Variants in GRID2 observed in about 807,000 individuals in gnomAD.
GRID2 encodes the protein glutamate ionotropic receptor delta type subunit 2.
Under a neutral mutation model 114.8 loss-of-function variants are expected in GRID2, and 33 were observed. The ratio of observed to expected loss-of-function variants is 0.29; its 90% CI spans 0.22 to 0.38. The LOEUF is 0.38. GRID2 is among the 10% of genes least tolerant of loss of function. The probability of loss-of-function intolerance (pLI) is 1.00; values close to 1 mark genes in which losing one functional copy is unlikely to be tolerated. For missense variants in GRID2, 1,184 were observed against 1,257.7 expected (o/e 0.94, Z 0.89); for synonymous variants, 505 against 449.9 (o/e 1.12, Z -1.55).
At chr4:92,947,480 A>G (rs1226928945) in intron 2 of GRID2, among the ~76,000 whole-genome samples, 2 of 151,990 alleles carry the variant, frequency 1.3e-5, no homozygotes, top group Non-Finnish European at 2.9e-5. Context: ...TTATGGAAGA[A>G]TAAAGATAAA....
intron 2 of GRID2, among the ~76,000 whole-genome samples, chr4:92,924,909 A>G (rs1749685835): frequency 6.6e-6 from 1 of 152,140 alleles, no homozygotes; most frequent in Non-Finnish European, 1.5e-5. Flanking sequence ...AGATAATATT[A>G]CAAACTCTTC....
chr4:92,792,179 C>CTGAACACAT (rs1739621315), intron 2 of GRID2, among the ~76,000 whole-genome samples: 1 of 151,672 alleles, frequency 6.6e-6, no homozygotes, highest in Admixed American at 6.6e-5. Context: ...AAGCTCTTCC[C>CTGAACACAT]TGAACACATT....
At chr4:92,823,468 C>T (rs1741439596) in intron 2 of GRID2, among the ~76,000 whole-genome samples, 1 of 152,050 alleles carries the variant, frequency 6.6e-6, no homozygotes, top group Non-Finnish European at 1.5e-5. Flanking sequence ...CTCAGGGAAG[C>T]AAATTATGCT....
At chr4:93,128,061 A>AAAAAAAAAAAAAAAT (rs1560908630) in intron 4 of GRID2, among the ~76,000 whole-genome samples, 1 of 84,072 alleles carries the variant, frequency 1.2e-5, no homozygotes, top group African/African-American at 5.7e-5. Context: ...AAAAAAAAAC[A>AAAAAAAAAAAAAAAT]ACAGTACGTG....
chr4:93,423,336 CTTTTTTTTTT>C (rs554663844), intron 10 of GRID2, among the ~76,000 whole-genome samples: 4 of 73,570 alleles, frequency 5.4e-5, no homozygotes, highest in Admixed American at 2.2e-4. Context: ...TTTTTTCTTT[CTTTTTTTTTT>C]TTTTTTTTTT....
At position 92,850,978 on chromosome 4, in the gene GRID2, A is replaced by G. The variant is rs1166271536; in HGVS notation, c.245-234017A>G. Among the ~76,000 whole-genome samples, 3 of 151,980 alleles carry G rather than the reference A, an allele frequency of 2.0e-5. No individual in the cohort carries two copies. In the East Asian group the frequency reaches 5.8e-4, roughly 29 times the overall value. On this transcript the variant is annotated intron_variant, in intron 2 of 15. Transcript: ENST00000282020. ...TTGCCACAGGTGTGTGCATATGCAC[A>G]TGAAAGTCAAACGGTGAGAGAGGAG...
intron 2 of GRID2, among the ~76,000 whole-genome samples, chr4:92,605,240 G>A (rs1729399001): frequency 6.6e-6 from 1 of 152,022 alleles, no homozygotes; most frequent in African/African-American, 2.4e-5. Flanking sequence ...ACTGCTTAAT[G>A]CTTAAATAAG....
intron 4 of GRID2, among the ~76,000 whole-genome samples, chr4:93,206,259 C>G (rs1022542499): frequency 6.6e-6 from 1 of 151,758 alleles, no homozygotes; most frequent in Non-Finnish European, 1.5e-5. Context: ...TAATTACGTA[C>G]TTTGAAAAAA....
chr4:92,650,979 G>A (rs1731899157), intron 2 of GRID2, among the ~76,000 whole-genome samples: 1 of 152,028 alleles, frequency 6.6e-6, no homozygotes, highest in African/African-American at 2.4e-5. Flanking sequence ...GCCTCAGGAT[G>A]ATGGGAAACA....
chr4:92,904,600 T>C (rs1026787363), intron 2 of GRID2, among the ~76,000 whole-genome samples: 4 of 151,436 alleles, frequency 2.6e-5, no homozygotes, highest in Non-Finnish European at 5.9e-5. Flanking sequence ...AGGAGAGAAA[T>C]AGAAGAAAAA....
At chr4:93,185,654 T>A (rs1008141587) in intron 4 of GRID2, among the ~76,000 whole-genome samples, 3 of 152,234 alleles carry the variant, frequency 2.0e-5, no homozygotes, top group African/African-American at 7.2e-5. Context: ...AAACAAATTT[T>A]AACAAAAATT....
intron 2 of GRID2, among the ~76,000 whole-genome samples, chr4:93,033,685 C>A (rs1293028452): frequency 6.6e-6 from 1 of 152,118 alleles, no homozygotes; most frequent in Non-Finnish European, 1.5e-5. Flanking sequence ...CCTCTCCTCT[C>A]TCTCCTTGTT....
intron 1 of GRID2, among the ~76,000 whole-genome samples, chr4:92,477,486 T>G (rs990940998): frequency 1.2e-4 from 18 of 151,988 alleles, no homozygotes; most frequent in African/African-American, 4.3e-4. Context: ...AGAGACAGTA[T>G]GCTTGATTGT....
intron 4 of GRID2, among the ~76,000 whole-genome samples, chr4:93,148,650 C>T (rs1034814657): frequency 1.3e-5 from 2 of 151,978 alleles, no homozygotes; most frequent in African/African-American, 2.4e-5. Flanking sequence ...TGTTTATTCA[C>T]GTAATAATAA....
At chr4:92,433,437 G>A (rs964914961) in intron 1 of GRID2, among the ~76,000 whole-genome samples, 9 of 152,228 alleles carry the variant, frequency 5.9e-5, no homozygotes, top group African/African-American at 2.2e-4. Flanking sequence ...TGCTGGGATG[G>A]ATGATTCCCC....
rs1313919262 is a variant in GRID2 at position 92,472,144 on chromosome 4, G to A, written c.89-117987G>A. Among the ~76,000 whole-genome samples the A allele has an allele frequency of 3.1e-5, 2 of 64,718 alleles. 1 individual carries two copies. Among genetic ancestry groups the A allele is most frequent in the Non-Finnish European group, 6.3e-5 (2 of 31,510 alleles). 42.5% of individuals were successfully genotyped at this position (64,718 alleles called of 152,430 possible). On this transcript the variant is annotated intron_variant, in intron 1 of 15. Coordinates refer to ENST00000282020, the MANE Select transcript of GRID2 (RefSeq NM_001510.4). ...GAGACGGGGTTTCACCGTTTTAGCC[G>A]GGATGGTCTCGATCTCCTGACCTCG...
intron 4 of GRID2, among the ~76,000 whole-genome samples, chr4:93,158,012 T>C (rs547187712): frequency 6.7e-4 from 102 of 151,970 alleles, no homozygotes; most frequent in African/African-American, 2.3e-3. Flanking sequence ...AGTGTTATTT[T>C]AGGACATAAA....
chr4:93,371,971 C>T (rs1371825029), intron 8 of GRID2, among the ~76,000 whole-genome samples: 1 of 152,026 alleles, frequency 6.6e-6, no homozygotes, highest in Non-Finnish European at 1.5e-5. Context: ...TGGTCTCAAA[C>T]TCTTGACCTC....
At chr4:93,104,839 G>T (rs1009779806) in intron 3 of GRID2, among the ~76,000 whole-genome samples, 2 of 151,930 alleles carry the variant, frequency 1.3e-5, no homozygotes, top group African/African-American at 2.4e-5. Context: ...GGGATGGCTG[G>T]GTCAAATGGT....
Sources: gnomAD v4.1 joint callset for allele counts (sites outside exome capture counted in the v4.1 genomes callset) on GRCh38, gnomAD v4.1.1 for gene constraint, MANE v1.5 for transcripts, NCBI Gene and HGNC (gene_info 2026-07-23, HGNC 2026-07-21) for gene names.